UBR4: variants seen among roughly 807,000 people sequenced by gnomAD.
The protein encoded by UBR4 is E3 ubiquitin-protein ligase UBR4.
Under a neutral mutation model 575.6 loss-of-function variants are expected in UBR4, and 124 were observed. The ratio of observed to expected loss-of-function variants is 0.22; its 90% CI spans 0.19 to 0.25. The LOEUF (loss-of-function observed/expected upper bound fraction) is 0.25. Ranked by LOEUF, UBR4 falls within the 10% of genes least tolerant of loss-of-function variation. The pLI, the probability that UBR4 is intolerant of heterozygous loss-of-function variation, is 1.00. For missense variants in UBR4, 4,818 were observed against 6,478.8 expected, an observed-to-expected ratio of 0.74 and a Z score of 8.80; for synonymous variants, 2,455 against 2,473.7, an observed-to-expected ratio of 0.99 and a Z score of 0.22.
chr1:19,190,312 AAT>A lies in UBR4; in HGVS notation c.1394+1874_1394+1875del, dbSNP rs1553226959. 2.4e-3 allele frequency among the ~76,000 whole-genome samples: 192 copies of A among 79,896 alleles called. 2 individuals carry two copies. Among genetic ancestry groups the A allele is most frequent in the East Asian group, 6.4e-3 (11 of 1,730 alleles). 52.4% of individuals were successfully genotyped at this position (79,896 alleles called of 152,430 possible). ...TGCCTCAAAAAAAAAAAAAAAAAAA[AAT>A]ATATATATATATATATTTGTATGGA... is the stretch of plus-strand genomic sequence containing the variant. On this transcript the variant is annotated intron_variant, in intron 11 of 105. Transcript: ENST00000375254.
At position 19,110,882 on chromosome 1, in the gene UBR4, C is replaced by T. The variant is rs763071800; in HGVS notation, c.11802-50G>A. 4.5e-6 allele frequency: 7 copies of T among 1,550,056 alleles called. No individual in the cohort carries two copies. The highest frequency in any genetic ancestry group is 6.2e-6 in the Non-Finnish European group (7 of 1,131,340). ...TCCTATAATTCACAATCAGGTGTGA[C>T]ACTCCTTTCCACCTGAAGGGGCCCA... On this transcript the variant is annotated intron_variant, in intron 78 of 105. Coordinates refer to ENST00000375254, the MANE Select transcript of UBR4 (RefSeq NM_020765.3). This position sits in a 1 kb window ranked among gnomAD's most constrained non-coding sequence, Gnocchi z 4.5.
At chr1:19,148,688 T>C (rs1265173170) in intron 49 of UBR4, 62 bp from the exon 50 acceptor site, 1 of 1,582,854 alleles carries the variant, frequency 6.3e-7, no homozygotes, top group Non-Finnish European at 8.7e-7. Flanking sequence ...CGCTTTAGCC[T>C]AAGCAAACTA....
At chr1:19,189,135 TA>T (rs1393766898) in intron 11 of UBR4, among the ~76,000 whole-genome samples, 3 of 152,094 alleles carry the variant, frequency 2.0e-5, no homozygotes, top group African/African-American at 7.3e-5. Context: ...TGAAATATCA[TA>T]GCATTCTCTC....
intron 39 of UBR4, among the ~76,000 whole-genome samples, chr1:19,158,871 G>A (rs2086844703): frequency 6.6e-6 from 1 of 152,134 alleles, no homozygotes; most frequent in Non-Finnish European, 1.5e-5. Flanking sequence ...GCTGGGCACA[G>A]TGGCTCACAC....
chr1:19,185,368 G>C, intron 14 of UBR4, 82 bp from the exon 15 acceptor site: 1 of 1,352,886 alleles, frequency 7.4e-7, no homozygotes, highest in Non-Finnish European at 9.9e-7. Flanking sequence ...AAGTACTTAA[G>C]TCAAAAGGAA....
chr1:19,100,732 A>G lies in UBR4; in HGVS notation c.13024-159T>C, dbSNP rs1409077705. ...GGACAGGAAACTCAGAGGTACTTCC[A>G]AAAATCTAAACAAACTCAAGTAGAC... is the stretch of plus-strand genomic sequence containing the variant. On this transcript the variant is annotated intron_variant, in intron 88 of 105. Transcript: ENST00000375254. The surrounding 1 kb of genome is among the most constrained non-coding windows in gnomAD (Gnocchi z 4.2). Among the ~76,000 whole-genome samples the G allele has an allele frequency of 6.6e-6, 1 of 152,104 alleles. No individual in the cohort carries two copies. The highest frequency in any genetic ancestry group is 1.5e-5 in the Non-Finnish European group (1 of 68,016).
chr1:19,081,322 C>A, intron 103 of UBR4, 27 bp downstream of exon 103: 1 of 1,541,220 alleles, frequency 6.5e-7, no homozygotes, highest in Non-Finnish European at 8.7e-7. Context: ...AAATAGTGAG[C>A]AGCAGCTTCC....
intron 31 of UBR4, 99 bp from the exon 32 acceptor site, chr1:19,165,096 A>G: frequency 6.5e-7 from 1 of 1,543,926 alleles, no homozygotes; most frequent in South Asian, 1.2e-5. Flanking sequence ...ATGGCTTCAA[A>G]GCAAGTTTTC....
intron 1 of UBR4, among the ~76,000 whole-genome samples, chr1:19,209,127 T>C (rs943621862): frequency 2.6e-5 from 4 of 152,210 alleles, no homozygotes; most frequent in African/African-American, 9.6e-5. Flanking sequence ...GAGTAACAAA[T>C]AGCAATTTTT....
In UBR4 at chr1:19,152,194, G is replaced by A. The variant is rs758033478; in HGVS notation, c.6996+119C>T. ...TCTAAGGAACCATTTAACTAGAACC[G>A]AGGGTTGTGACTGTGAGTATATACT... On this transcript the variant is annotated intron_variant, in intron 47 of 105. Transcript: ENST00000375254. This position sits in a 1 kb window ranked among gnomAD's most constrained non-coding sequence, Gnocchi z 4.4. 1.1e-4 allele frequency: 152 copies of A among 1,377,842 alleles called. No individual in the cohort carries two copies. The highest frequency in any genetic ancestry group is 5.9e-4 in the Middle Eastern group (3 of 5,110). 85.4% of individuals were successfully genotyped at this position (1,377,842 alleles called of 1,614,324 possible).
At chr1:19,094,482 CA>C (rs1219200538) in intron 94 of UBR4, among the ~76,000 whole-genome samples, 4 of 152,148 alleles carry the variant, frequency 2.6e-5, no homozygotes, top group Non-Finnish European at 5.9e-5. Flanking sequence ...ACAGGCATAG[CA>C]GGTGGAGAGA....
At chr1:19,176,774 T>C in intron 19 of UBR4, 47 bp from the exon 20 acceptor site, 2 of 1,599,078 alleles carry the variant, frequency 1.3e-6, no homozygotes. Context: ...ACAGTCACCA[T>C]TCAGCTTTTC....
At position 19,153,543 on chromosome 1, in the gene UBR4, C is replaced by A; in HGVS notation, c.6631-41G>T. The A allele has an allele frequency of 6.2e-7, 1 of 1,605,098 alleles. No homozygotes were observed. Among genetic ancestry groups the A allele is most frequent in the South Asian group, 1.1e-5 (1 of 90,644 alleles). On this transcript the variant is annotated intron_variant, in intron 45 of 105. Coordinates refer to ENST00000375254, the MANE Select transcript of UBR4 (RefSeq NM_020765.3). This position sits in a 1 kb window ranked among gnomAD's most constrained non-coding sequence, Gnocchi z 4.1. ...AAAGGAGGGTCTTCGTTCCCACACC[C>A]ACAGATCAGCATCCTCACAGAAAAA...
In UBR4 at chr1:19,113,809, C is replaced by G; in HGVS notation, c.11347G>C (p.Gly3783Arg). The G allele has an allele frequency of 6.2e-7, 1 of 1,614,238 alleles. No homozygotes were observed. The highest frequency in any genetic ancestry group is 8.5e-7 in the Non-Finnish European group (1 of 1,180,030). ...EKPQDDSGTA[G>R]GISSTSASVN... Reference sequence around the variant, plus strand: ...CTGGCAGAAGTGGAGCTGATGCCCCCTGCTGTTCCTGAGTCATCCTGCAAC... The same window carrying G: ...CTGGCAGAAGTGGAGCTGATGCCCCGTGCTGTTCCTGAGTCATCCTGCAAC... Residue 3783 changes from glycine to arginine, a missense_variant, in exon 77 of 106, where the codon GGG becomes CGG. By Grantham distance (125) the Gly-to-Arg change is moderately radical. Transcript: ENST00000375254.
At chr1:19,097,085 T>A in intron 91 of UBR4, 108 bp downstream of exon 91, 1 of 854,598 alleles carries the variant, frequency 1.2e-6, no homozygotes, top group Non-Finnish European at 1.7e-6. Context: ...CCCACAATTC[T>A]GATGCAGAGG....
At position 19,113,956 on chromosome 1, in the gene UBR4, C is replaced by T; in HGVS notation, c.11317G>A (p.Glu3773Lys). 1 of 1,614,226 alleles carries T rather than the reference C, an allele frequency of 6.2e-7. No homozygotes were observed. Among genetic ancestry groups the T allele is most frequent in the Non-Finnish European group, 8.5e-7 (1 of 1,180,046 alleles). The stretch of plus-strand genomic sequence containing the variant: ...CAGCGTGGGACTACCTGTGGCTTTT[C>T]TGGAGCTGCCTCATTCACTTTGCAG... ...LLCKVNEAAPEKPQDDSGTAG... is the reference protein window; with the variant it reads ...LLCKVNEAAPKKPQDDSGTAG... The change falls in exon 76 of 106, where the codon GAA becomes AAA. Residue 3773 changes from glutamate (E) to lysine (K), a missense_variant. Physicochemically the swap from Glu to Lys is moderately conservative, Grantham distance 56. Around this residue, in one of 29 missense-constraint regions of UBR4, gnomAD observed 333 missense variants for 459.2 expected, o/e 0.73. Coordinates refer to ENST00000375254, the MANE Select transcript of UBR4 (RefSeq NM_020765.3).
At chr1:19,176,218 G>A (rs1463693534) in intron 20 of UBR4, among the ~76,000 whole-genome samples, 5 of 152,076 alleles carry the variant, frequency 3.3e-5, no homozygotes, top group Non-Finnish European at 7.4e-5. Flanking sequence ...CACCAGAGTA[G>A]CTGGGATTAC....
At position 19,104,074 on chromosome 1, in the gene UBR4, G is replaced by A. The variant is rs750112798; in HGVS notation, c.12901+10C>T. 1.2e-6 allele frequency: 2 copies of A among 1,613,862 alleles called. No homozygotes were observed. Among genetic ancestry groups the A allele is most frequent in the South Asian group, 1.1e-5 (1 of 91,060 alleles). Reference sequence around the variant, plus strand: ...AGTGCCTTAGGCTCCAGGCCACTGGGCAGTGCTACCTGTGGTCATGTCCTC... The same window carrying A: ...AGTGCCTTAGGCTCCAGGCCACTGGACAGTGCTACCTGTGGTCATGTCCTC... On this transcript the variant is annotated intron_variant, in intron 87 of 105. Transcript: ENST00000375254.
In UBR4 at chr1:19,113,966, C is replaced by G; in HGVS notation, c.11307G>C (p.Glu3769Asp). Reference protein sequence around the residue: ...QLENLLCKVNEAAPEKPQDDS... With the variant: ...QLENLLCKVNDAAPEKPQDDS... The stretch of plus-strand genomic sequence containing the variant: ...CTACCTGTGGCTTTTCTGGAGCTGC[C>G]TCATTCACTTTGCAGAGCAGGTTCT... Residue 3769 changes from glutamate (E) to aspartate (D), a missense_variant, in exon 76 of 106, where the codon GAG becomes GAC. Physicochemically the swap from Glu to Asp is conservative, Grantham distance 45. Around this residue, in one of 29 missense-constraint regions of UBR4, gnomAD observed 333 missense variants for 459.2 expected, o/e 0.73. Transcript: ENST00000375254. The G allele has an allele frequency of 6.2e-7, 1 of 1,614,238 alleles. No homozygotes were observed. The highest frequency in any genetic ancestry group is 8.5e-7 in the Non-Finnish European group (1 of 1,180,036).
Sources: gnomAD v4.1 joint callset for allele counts (sites outside exome capture counted in the v4.1 genomes callset) on GRCh38, gnomAD v4.1.1 for gene constraint, gnomAD v4.1.1 regional missense constraint, Gnocchi (gnomAD v3.1) non-coding constraint, MANE v1.5 for transcripts, NCBI Gene and HGNC (gene_info 2026-07-23, HGNC 2026-07-21) for gene names.